The following RAB10 variants were observed in gnomAD, a reference collection of about 807,000 sequenced individuals.
The protein encoded by RAB10 is RAB10, member RAS oncogene family, also known as ras-related protein Rab-10.
A neutral mutation model predicts 25.7 loss-of-function variants in RAB10; 5 were observed. The observed-to-expected ratio is 0.19, with a 90% confidence interval of 0.10 to 0.41. RAB10 has a LOEUF of 0.41. Ranked by LOEUF, RAB10 falls within the 10% of genes least tolerant of loss-of-function variation. The pLI, the probability that RAB10 is intolerant of heterozygous loss-of-function variation, is 1.00. For missense variants in RAB10, 103 were observed against 245.8 expected (o/e 0.42, Z 3.89); for synonymous variants, 89 against 86.4 (o/e 1.03, Z -0.16).
rs539711122 is a variant in RAB10 at position 26,103,015 on chromosome 2, A to G, written c.188+4293A>G. ...CACGTTGACATTATTGCAGCCTTGC[A>G]TATTTTTATGGAAAATACTTCTTAT... On this transcript the variant is annotated intron_variant, in intron 2 of 5. Transcript: ENST00000264710. Among the ~76,000 whole-genome samples the G allele has an allele frequency of 4.3e-4, 65 of 152,330 alleles. 2 individuals carry two copies. The South Asian group carries it at 0.013, about 30-fold the overall frequency.
chr2:26,111,956 A>G (rs185440066), intron 3 of RAB10, among the ~76,000 whole-genome samples: 3 of 152,298 alleles, frequency 2.0e-5, no homozygotes, highest in South Asian at 2.1e-4. Flanking sequence ...GATGCCAACA[A>G]TGCCACTCCA....
intron 1 of RAB10, among the ~76,000 whole-genome samples, chr2:26,090,215 A>G (rs567726940): frequency 1.3e-5 from 2 of 152,282 alleles, no homozygotes; most frequent in Admixed American, 6.5e-5. Flanking sequence ...GAGATCTTCC[A>G]TGTCTGGGAA....
chr2:26,113,234 G>T (rs900876488), intron 3 of RAB10, among the ~76,000 whole-genome samples: 1 of 152,052 alleles, frequency 6.6e-6, no homozygotes, highest in Admixed American at 6.6e-5. Flanking sequence ...AGTTATCTCA[G>T]TTCACACAGA....
At chr2:26,126,284 T>C (rs1443664598) in intron 3 of RAB10, among the ~76,000 whole-genome samples, 1 of 152,150 alleles carries the variant, frequency 6.6e-6, no homozygotes, top group Non-Finnish European at 1.5e-5. Context: ...CTCCCCCAGC[T>C]AATATTATTT....
chr2:26,079,324 A>AACACACACAC (rs34334774), intron 1 of RAB10, among the ~76,000 whole-genome samples: 1 of 92,592 alleles, frequency 1.1e-5, no homozygotes, highest in African/African-American at 4.0e-5. Flanking sequence ...CACACACACA[A>AACACACACAC]ACACACACAC....
chr2:26,066,235 A>G (rs1043385189), intron 1 of RAB10, among the ~76,000 whole-genome samples: 2 of 152,176 alleles, frequency 1.3e-5, no homozygotes, highest in Admixed American at 1.3e-4. Flanking sequence ...AACATGAACA[A>G]TTACCGATTT....
intron 3 of RAB10, 123 bp from the exon 4 acceptor site, chr2:26,127,021 A>T: frequency 2.9e-6 from 2 of 686,472 alleles, no homozygotes; most frequent in East Asian, 2.9e-5. Flanking sequence ...TTTTAGGGTG[A>T]CTGCTTTAAA....
intron 1 of RAB10, among the ~76,000 whole-genome samples, chr2:26,052,155 A>C (rs1666152820): frequency 6.6e-6 from 1 of 151,908 alleles, no homozygotes; most frequent in Non-Finnish European, 1.5e-5. Flanking sequence ...AGACAGGAGG[A>C]TTGTTTGAGC....
At chr2:26,095,726 A>G (rs573240547) in intron 1 of RAB10, among the ~76,000 whole-genome samples, 2 of 152,204 alleles carry the variant, frequency 1.3e-5, no homozygotes, top group African/African-American at 4.8e-5. Context: ...AGCCTGGGCA[A>G]CATATTGGGA....
chr2:26,077,103 G>T (rs1666753792), intron 1 of RAB10, among the ~76,000 whole-genome samples: 1 of 152,086 alleles, frequency 6.6e-6, no homozygotes, highest in Non-Finnish European at 1.5e-5. Context: ...TGTGAAATCT[G>T]CATTAATTTC....
At chr2:26,081,484 G>T (rs1251043698) in intron 1 of RAB10, among the ~76,000 whole-genome samples, 15 of 152,220 alleles carry the variant, frequency 9.9e-5, no homozygotes, top group Admixed American at 4.6e-4. Flanking sequence ...ACTGTCTTAA[G>T]TTGGAGGAGA....
chr2:26,061,981 C>T (rs954593084), intron 1 of RAB10, among the ~76,000 whole-genome samples: 1 of 152,048 alleles, frequency 6.6e-6, no homozygotes, highest in Non-Finnish European at 1.5e-5. Context: ...ACAGCAAAGT[C>T]TCTTACCATG....
intron 2 of RAB10, chr2:26,102,210 C>G (rs1445059776): frequency 6.6e-6 from 1 of 152,202 alleles, no homozygotes; most frequent in East Asian, 1.9e-4. Context: ...TAATAATTCT[C>G]TGACATTCCA....
At position 26,113,013 on chromosome 2, in the gene RAB10, C is replaced by T. The variant is rs368960510; in HGVS notation, c.327+3107C>T. ...AGGAGAATCACTTGAACCCAGGAGGCGGAGGAGGTTGCAGTGAGCCAAGAT... is the reference window on the plus strand; with the variant it reads ...AGGAGAATCACTTGAACCCAGGAGGTGGAGGAGGTTGCAGTGAGCCAAGAT... On this transcript the variant is annotated intron_variant, in intron 3 of 5. Transcript: ENST00000264710. Among the ~76,000 whole-genome samples the T allele has an allele frequency of 2.9e-4, 44 of 151,850 alleles. No individual in the cohort carries two copies. In the East Asian group the frequency reaches 2.9e-3, roughly 10 times the overall value.
intron 2 of RAB10, among the ~76,000 whole-genome samples, chr2:26,099,532 GTTTTTTTT>G (rs70950167): frequency 4.1e-5 from 3 of 73,328 alleles, no homozygotes; most frequent in Admixed American, 1.9e-4. Flanking sequence ...GTTTTTTTGG[GTTTTTTTT>G]TTTTTTTTTT....
chr2:26,081,282 A>C (rs923131777), intron 1 of RAB10, among the ~76,000 whole-genome samples: 2 of 152,238 alleles, frequency 1.3e-5, no homozygotes, highest in African/African-American at 4.8e-5. Flanking sequence ...AAAATGGAGT[A>C]ATAGATCTGT....
intron 1 of RAB10, among the ~76,000 whole-genome samples, chr2:26,051,926 A>G (rs1217108474): frequency 6.7e-6 from 1 of 148,342 alleles, no homozygotes; most frequent in African/African-American, 2.5e-5. Flanking sequence ...GCATGGTGGC[A>G]CGCACCTGTA....
chr2:26,097,049 C>T (rs1667236432), intron 1 of RAB10, among the ~76,000 whole-genome samples: 1 of 152,000 alleles, frequency 6.6e-6, no homozygotes. Context: ...AGACCCCGTC[C>T]TACAAAAAGA....
intron 1 of RAB10, among the ~76,000 whole-genome samples, chr2:26,088,213 TAG>T (rs1491451245): frequency 3.9e-5 from 6 of 152,150 alleles, no homozygotes; most frequent in South Asian, 2.1e-4. Flanking sequence ...GGAAAACTGA[TAG>T]AGTGGCTAGA....
Sources: allele counts gnomAD v4.1 joint callset (sites outside exome capture counted in the v4.1 genomes callset), GRCh38; gene constraint gnomAD v4.1.1; transcripts MANE v1.5; gene names NCBI Gene and HGNC (gene_info 2026-07-23, HGNC 2026-07-21).